The following BMERB1 variants were observed in gnomAD, a reference collection of about 807,000 sequenced individuals.
The protein encoded by BMERB1 is bMERB domain containing 1, also known as bMERB domain-containing protein 1.
A neutral mutation model predicts 23.6 loss-of-function variants in BMERB1; 12 were observed. The ratio of observed to expected loss-of-function variants is 0.51; its 90% CI spans 0.33 to 0.82. The LOEUF is 0.82. Among genes scored for constraint, BMERB1 ranks in the 40% least tolerant of loss-of-function variants. BMERB1 has a pLI of 0.03. For missense variants in BMERB1, 247 were observed against 255.4 expected (o/e 0.97, Z 0.22); for synonymous variants, 122 against 96.6 (o/e 1.26, Z -1.54).
At chr16:15,534,519 A>ACAAT (rs2052006671) in intron 2 of BMERB1, among the ~76,000 whole-genome samples, 8 of 151,368 alleles carry the variant, frequency 5.3e-5, no homozygotes, top group Non-Finnish European at 4.4e-5. Context: ...GTGCCACTAC[A>ACAAT]CTCCAGCCTG....
chr16:15,556,469 G>A (rs1174134018), intron 2 of BMERB1, among the ~76,000 whole-genome samples: 1 of 152,230 alleles, frequency 6.6e-6, no homozygotes, highest in Non-Finnish European at 1.5e-5. Context: ...CAGTCAATGG[G>A]GGTACTGAGA....
intron 1 of BMERB1, among the ~76,000 whole-genome samples, chr16:15,437,734 G>A (rs546885850): frequency 1.3e-5 from 2 of 152,062 alleles, no homozygotes; most frequent in African/African-American, 2.4e-5. Flanking sequence ...CGAGGCGGGC[G>A]GATCACAAGG....
At chr16:15,481,726 T>C (rs943046555) in intron 1 of BMERB1, among the ~76,000 whole-genome samples, 4 of 151,374 alleles carry the variant, frequency 2.6e-5, no homozygotes, top group Admixed American at 2.0e-4. Flanking sequence ...TTCTTTTCTT[T>C]CTTTTTTTTT....
At chr16:15,579,546 C>T (rs762928091) in intron 3 of BMERB1, among the ~76,000 whole-genome samples, 3 of 152,196 alleles carry the variant, frequency 2.0e-5, no homozygotes, top group South Asian at 2.1e-4. Context: ...CAGTCGTGGG[C>T]AGGCAGACAA....
Position 15,587,399 on chromosome 16 carries a change from T to C in BMERB1, c.*570T>C, listed in dbSNP as rs2031176793. 3.5e-6 allele frequency: 1 copy of C among 287,360 alleles called. No individual in the cohort carries two copies. Among genetic ancestry groups the C allele is most frequent in the African/African-American group, 2.2e-5 (1 of 44,662 alleles). 17.8% of individuals were successfully genotyped at this position (287,360 alleles called of 1,614,324 possible). ...GTCCCAGAGGGCCCATCTGTAAAGATCGAGCTTGTGTGTGGTGTCGTGGTC... is the reference window on the plus strand; with the variant it reads ...GTCCCAGAGGGCCCATCTGTAAAGACCGAGCTTGTGTGTGGTGTCGTGGTC... On this transcript the variant is annotated 3_prime_UTR_variant, in exon 6 of 6. Transcript: ENST00000300006.
At chr16:15,439,005 C>T (rs900114652) in intron 1 of BMERB1, among the ~76,000 whole-genome samples, 1 of 152,102 alleles carries the variant, frequency 6.6e-6, no homozygotes, top group Non-Finnish European at 1.5e-5. Flanking sequence ...TGTTTAACTT[C>T]CACACATTTT....
intron 1 of BMERB1, among the ~76,000 whole-genome samples, chr16:15,457,103 G>A (rs2051093343): frequency 6.6e-6 from 1 of 152,130 alleles, no homozygotes; most frequent in African/African-American, 2.4e-5. Context: ...TGGGATTGTA[G>A]GCATGAGGCA....
intron 3 of BMERB1, among the ~76,000 whole-genome samples, chr16:15,579,320 A>C (rs780222448): frequency 2.6e-5 from 4 of 152,140 alleles, no homozygotes; most frequent in Non-Finnish European, 5.9e-5. Flanking sequence ...TTGGGGAATC[A>C]GACCCAACCC....
chr16:15,563,429 C>G (rs535056602), intron 2 of BMERB1, among the ~76,000 whole-genome samples: 6 of 151,972 alleles, frequency 3.9e-5, no homozygotes, highest in Non-Finnish European at 7.4e-5. Context: ...CCATGTTAGA[C>G]AGGATGGTCT....
At chr16:15,528,586 C>G (rs897274048) in intron 2 of BMERB1, among the ~76,000 whole-genome samples, 3 of 151,964 alleles carry the variant, frequency 2.0e-5, no homozygotes, top group Admixed American at 2.0e-4. Context: ...CACACCACTC[C>G]CTTGGGCCTC....
intron 1 of BMERB1, among the ~76,000 whole-genome samples, chr16:15,495,071 G>A (rs1453218735): frequency 1.3e-5 from 2 of 151,142 alleles, no homozygotes; most frequent in Admixed American, 1.3e-4. Flanking sequence ...TTTAGTAAAG[G>A]TGGGGTTTCA....
At chr16:15,487,102 A>C (rs1049049239) in intron 1 of BMERB1, among the ~76,000 whole-genome samples, 13 of 152,220 alleles carry the variant, frequency 8.5e-5, no homozygotes, top group African/African-American at 3.1e-4. Context: ...AATAGGGCTG[A>C]ATAACCATTA....
intron 2 of BMERB1, among the ~76,000 whole-genome samples, chr16:15,551,691 A>C (rs1233589907): frequency 6.6e-6 from 1 of 152,166 alleles, no homozygotes; most frequent in Admixed American, 6.5e-5. Context: ...TAAAGATACT[A>C]CCCGAGACTG....
intron 2 of BMERB1, among the ~76,000 whole-genome samples, chr16:15,555,839 A>G (rs1239101240): frequency 2.6e-5 from 4 of 152,078 alleles, no homozygotes; most frequent in African/African-American, 7.2e-5. Flanking sequence ...AGCTGAACCA[A>G]TGCACATGTT....
chr16:15,478,479 G>T (rs2051291281), intron 1 of BMERB1, among the ~76,000 whole-genome samples: 1 of 152,104 alleles, frequency 6.6e-6, no homozygotes, highest in Admixed American at 6.6e-5. Flanking sequence ...TAGTTTTAAA[G>T]TGCTTTCCCC....
chr16:15,456,321 A>G (rs2051087166), intron 1 of BMERB1, among the ~76,000 whole-genome samples: 1 of 151,772 alleles, frequency 6.6e-6, no homozygotes, highest in South Asian at 2.1e-4. Flanking sequence ...AGTCAGTAAT[A>G]CAGCATTATC....
At position 15,512,186 on chromosome 16, in the gene BMERB1, G is replaced by A. The variant is rs150863646; in HGVS notation, c.107-3119G>A. The stretch of plus-strand genomic sequence containing the variant: ...GCAGATAATTTTGGCACATGGAACG[G>A]ACACATCACGGGGTAGGTAATGGAA... On this transcript the variant is annotated intron_variant, in intron 1 of 5. Coordinates refer to ENST00000300006, the MANE Select transcript of BMERB1 (RefSeq NM_033201.3). 9.9e-5 allele frequency among the ~76,000 whole-genome samples: 15 copies of A among 152,210 alleles called. No individual in the cohort carries two copies. The South Asian group carries it at 1.9e-3, about 19-fold the overall frequency.
At chr16:15,516,258 T>C (rs374910233) in intron 2 of BMERB1, among the ~76,000 whole-genome samples, 8 of 151,806 alleles carry the variant, frequency 5.3e-5, no homozygotes, top group African/African-American at 1.9e-4. Flanking sequence ...ACCCTGTCTC[T>C]ACAAAAAATA....
chr16:15,485,337 G>T (rs547000647), intron 1 of BMERB1, among the ~76,000 whole-genome samples: 1 of 152,174 alleles, frequency 6.6e-6, no homozygotes, highest in African/African-American at 2.4e-5. Flanking sequence ...GAGGCCAGAG[G>T]CCTGATCTTG....
Sources: gnomAD v4.1 joint callset for allele counts (sites outside exome capture counted in the v4.1 genomes callset) on GRCh38, gnomAD v4.1.1 for gene constraint, MANE v1.5 for transcripts, NCBI Gene and HGNC (gene_info 2026-07-23, HGNC 2026-07-21) for gene names.